The following RFX3 variants were observed in gnomAD, a reference collection of about 807,000 sequenced individuals.
RFX3 encodes the protein transcription factor RFX3.
In RFX3, 14 loss-of-function variants were observed where a neutral mutation model predicts 98.6. That is an observed-to-expected ratio of 0.14 (90% CI 0.09 to 0.22). RFX3 has a LOEUF of 0.22. Ranked by LOEUF, RFX3 falls within the 10% of genes least tolerant of loss-of-function variation. The pLI is 1.00. For missense variants in RFX3, 639 were observed against 926.9 expected (o/e 0.69, Z 4.03); for synonymous variants, 383 against 328.4 (o/e 1.17, Z -1.80).
intron 1 of RFX3, among the ~76,000 whole-genome samples, chr9:3,433,027 C>G (rs1202926969): frequency 6.6e-6 from 1 of 152,034 alleles, no homozygotes; most frequent in African/African-American, 2.4e-5. Flanking sequence ...TCAATATATA[C>G]AAAATCACTG....
chr9:3,343,129 A>G (rs1387334959), intron 3 of RFX3, among the ~76,000 whole-genome samples: 3 of 152,236 alleles, frequency 2.0e-5, no homozygotes, highest in Non-Finnish European at 4.4e-5. Flanking sequence ...ACACATATTC[A>G]TAAGTGACGA....
At chr9:3,484,523 TA>T (rs1467864545) in intron 1 of RFX3, among the ~76,000 whole-genome samples, 1 of 152,206 alleles carries the variant, frequency 6.6e-6, no homozygotes, top group Non-Finnish European at 1.5e-5. Context: ...GAAAATAATG[TA>T]TCTGCCACAT....
intron 1 of RFX3, among the ~76,000 whole-genome samples, chr9:3,521,441 C>A (rs1197708331): frequency 6.6e-6 from 1 of 151,964 alleles, no homozygotes; most frequent in African/African-American, 2.4e-5. Flanking sequence ...AAATTTTTTT[C>A]TTTAAATAAA....
chr9:3,440,886 C>A (rs554325289), intron 1 of RFX3, among the ~76,000 whole-genome samples: 8 of 152,092 alleles, frequency 5.3e-5, no homozygotes, highest in Non-Finnish European at 1.0e-4. Context: ...TAAAAACAAA[C>A]AAACACACCA....
rs771318040 is a variant in RFX3 at position 3,395,496 on chromosome 9, T to C, written c.93A>G (p.Val31=). 6.2e-7 allele frequency: 1 copy of C among 1,614,208 alleles called. No individual in the cohort carries two copies. Among genetic ancestry groups the C allele is most frequent in the South Asian group, 1.1e-5 (1 of 91,082 alleles). The change falls in exon 2 of 17, where the codon GTA becomes GTG. Residue 31 remains valine (V), a synonymous_variant. Coordinates refer to ENST00000617270, the MANE Select transcript of RFX3 (RefSeq NM_001282116.2). ...CCTGTTGTTGTACTGGTACTTGCTG[T>C]ACCACCTGCGTAGGCACTGCTGCTT... ...ASQAAVPTQV[V]QQVPVQQQVQ... is the part of the protein sequence containing the mutation.
At chr9:3,268,664 T>C (rs1823979197) in intron 11 of RFX3, among the ~76,000 whole-genome samples, 1 of 151,864 alleles carries the variant, frequency 6.6e-6, no homozygotes, top group Non-Finnish European at 1.5e-5. Flanking sequence ...AATAAACTGG[T>C]TTTCAAATCA....
chr9:3,423,069 G>C (rs974884518), intron 1 of RFX3, among the ~76,000 whole-genome samples: 2 of 152,184 alleles, frequency 1.3e-5, no homozygotes, highest in African/African-American at 4.8e-5. Flanking sequence ...GCAGATTCCT[G>C]ATGACTACAG....
chr9:3,364,254 T>G (rs1242682597), intron 2 of RFX3: 6 of 157,276 alleles, frequency 3.8e-5, no homozygotes, highest in African/African-American at 1.4e-4. Context: ...ATTACTAATT[T>G]CACTTTTTTT....
intron 2 of RFX3, among the ~76,000 whole-genome samples, chr9:3,382,868 T>A (rs1436444182): frequency 6.6e-6 from 1 of 152,176 alleles, no homozygotes; most frequent in African/African-American, 2.4e-5. Context: ...TTAAACTGGA[T>A]ATTTTTTTGA....
intron 1 of RFX3, among the ~76,000 whole-genome samples, chr9:3,504,810 A>T (rs1382472312): frequency 7.9e-5 from 8 of 101,792 alleles, no homozygotes; most frequent in South Asian, 5.4e-4. Flanking sequence ...TTATATATAA[A>T]ATATATATTA....
intron 3 of RFX3, among the ~76,000 whole-genome samples, chr9:3,341,272 G>A (rs1833857569): frequency 6.6e-6 from 1 of 151,974 alleles, no homozygotes. Flanking sequence ...GGGGATGGGG[G>A]AGGGATAGCA....
intron 4 of RFX3, among the ~76,000 whole-genome samples, chr9:3,306,969 G>A (rs1258952116): frequency 2.0e-5 from 3 of 152,156 alleles, no homozygotes; most frequent in Admixed American, 6.6e-5. Context: ...GGTGGGAGAT[G>A]ACTGCATAAT....
At chr9:3,439,443 A>T (rs562563818) in intron 1 of RFX3, among the ~76,000 whole-genome samples, 41 of 152,126 alleles carry the variant, frequency 2.7e-4, no homozygotes, top group Admixed American at 8.5e-4. Context: ...AAATTAAAAG[A>T]TATAAATTAG....
chr9:3,475,957 G>A (rs914505188), intron 1 of RFX3, among the ~76,000 whole-genome samples: 2 of 152,276 alleles, frequency 1.3e-5, no homozygotes, highest in East Asian at 1.9e-4. Flanking sequence ...CTTCCCAGAC[G>A]CTGGCGTTAC....
Position 3,224,645 on chromosome 9 carries a change from T to C in RFX3, c.*397A>G, listed in dbSNP as rs1817573330. 1 of 166,248 alleles carries C rather than the reference T, an allele frequency of 6.0e-6. No homozygotes were observed. Among genetic ancestry groups the C allele is most frequent in the Admixed American group, 5.7e-5 (1 of 17,470 alleles). 10.3% of individuals were successfully genotyped at this position (166,248 alleles called of 1,614,324 possible). On this transcript the variant is annotated 3_prime_UTR_variant, in exon 17 of 17. Coordinates refer to ENST00000617270, the MANE Select transcript of RFX3 (RefSeq NM_001282116.2). The stretch of plus-strand genomic sequence containing the variant: ...CAGTGTAAATCAAAAAAATCATTTC[T>C]TTTGATATTTCACAGAAGTGCATCT...
At chr9:3,452,464 T>C (rs1362968853) in intron 1 of RFX3, 2 of 179,222 alleles carry the variant, frequency 1.1e-5, no homozygotes, top group Non-Finnish European at 2.5e-5. Flanking sequence ...TGGTGACACA[T>C]GCTTGCTAGT....
intron 1 of RFX3, among the ~76,000 whole-genome samples, chr9:3,426,523 T>G (rs1431877146): frequency 2.0e-5 from 3 of 151,658 alleles, no homozygotes; most frequent in Non-Finnish European, 4.4e-5. Context: ...GAGCAAGAGG[T>G]GAGCAGGAGG....
chr9:3,371,803 T>G (rs537511133), intron 2 of RFX3, among the ~76,000 whole-genome samples: 1 of 152,188 alleles, frequency 6.6e-6, no homozygotes, highest in Non-Finnish European at 1.5e-5. Flanking sequence ...AGGAATACTA[T>G]GGGAACAGAC....
chr9:3,384,191 C>A (rs1564021599), intron 2 of RFX3, among the ~76,000 whole-genome samples: 1 of 128,542 alleles, frequency 7.8e-6, no homozygotes, highest in African/African-American at 3.1e-5. Context: ...TCCACATACA[C>A]AATGACACTA....
Sources: allele counts gnomAD v4.1 joint callset (sites outside exome capture counted in the v4.1 genomes callset), GRCh38; gene constraint gnomAD v4.1.1; transcripts MANE v1.5; gene names NCBI Gene and HGNC (gene_info 2026-07-23, HGNC 2026-07-21).